The following MAN2A1 variants were observed in gnomAD, a reference collection of about 807,000 sequenced individuals.
The protein encoded by MAN2A1 is mannosidase alpha class 2A member 1.
Under a neutral mutation model 142.6 loss-of-function variants are expected in MAN2A1, and 76 were observed. The observed-to-expected ratio is 0.53, with a 90% CI of 0.44 to 0.65. The LOEUF (loss-of-function observed/expected upper bound fraction) is 0.65. Ranked by LOEUF, MAN2A1 falls within the 30% of genes least tolerant of loss-of-function variation. The probability of loss-of-function intolerance (pLI) is 0.00; values close to 1 mark genes in which losing one functional copy is unlikely to be tolerated. For missense variants in MAN2A1, 1,311 were observed against 1,365.1 expected (o/e 0.96, Z 0.62); for synonymous variants, 559 against 473.2 (o/e 1.18, Z -2.35).
rs555683467 is a variant in MAN2A1 at position 109,770,329 on chromosome 5, G to T, written c.1010-26G>T. 8.6e-5 allele frequency: 137 copies of T among 1,597,608 alleles called. 1 individual carries two copies. In the South Asian group the frequency reaches 1.4e-3, roughly 16 times the overall value. On this transcript the variant is annotated intron_variant, in intron 6 of 21. Transcript: ENST00000261483. The stretch of plus-strand genomic sequence containing the variant: ...GGGAAAACAGATTTTATAAATGCAG[G>T]TTTGTGTGTTGGCTCTTTATTTTAG...
intron 4 of MAN2A1, among the ~76,000 whole-genome samples, chr5:109,731,034 C>T (rs2112586273): frequency 6.6e-6 from 1 of 152,204 alleles, no homozygotes; most frequent in Admixed American, 6.6e-5. Flanking sequence ...ACTTCGTTAA[C>T]TGACATTTGA....
rs1755336445 is a variant in MAN2A1 at position 109,846,024 on chromosome 5, T to C, written c.2842+18T>C. 6.3e-7 allele frequency: 1 copy of C among 1,581,966 alleles called. No homozygotes were observed. The highest frequency in any genetic ancestry group is 8.6e-7 in the Non-Finnish European group (1 of 1,164,392). On this transcript the variant is annotated intron_variant, in intron 18 of 21. Coordinates refer to ENST00000261483, the MANE Select transcript of MAN2A1 (RefSeq NM_002372.4). ...GAATAGTGGTATGTATTGCTTACACTCTTTTCCACTCTGAAAGGTTTCAAT... is the reference window on the plus strand; with the variant it reads ...GAATAGTGGTATGTATTGCTTACACCCTTTTCCACTCTGAAAGGTTTCAAT...
At chr5:109,774,517 A>G (rs552720720) in intron 7 of MAN2A1, among the ~76,000 whole-genome samples, 15 of 152,204 alleles carry the variant, frequency 9.9e-5, no homozygotes, top group African/African-American at 3.6e-4. Flanking sequence ...ACATGACCAT[A>G]TTTCTCCAAA....
intron 7 of MAN2A1, among the ~76,000 whole-genome samples, chr5:109,770,899 G>A (rs887622671): frequency 5.9e-5 from 9 of 152,096 alleles, no homozygotes; most frequent in Admixed American, 2.0e-4. Flanking sequence ...GGTAAGAAAA[G>A]CAATTCAACT....
chr5:109,730,549 A>T (rs991572921), intron 4 of MAN2A1, among the ~76,000 whole-genome samples: 1 of 108,824 alleles, frequency 9.2e-6, no homozygotes, highest in Admixed American at 8.2e-5. Flanking sequence ...TTCACTTTTT[A>T]AAAAACTGAT....
At chr5:109,711,388 C>T (rs914672326) in intron 1 of MAN2A1, among the ~76,000 whole-genome samples, 5 of 152,090 alleles carry the variant, frequency 3.3e-5, no homozygotes, top group Non-Finnish European at 2.9e-5. Flanking sequence ...AAGCATTTCC[C>T]CTATTTCAGA....
chr5:109,736,089 C>T (rs1053494490), intron 4 of MAN2A1, among the ~76,000 whole-genome samples: 68 of 151,910 alleles, frequency 4.5e-4, no homozygotes, highest in African/African-American at 1.5e-3. Flanking sequence ...ACTAGAATTC[C>T]AAAATATTAC....
chr5:109,784,426 T>C (rs1753543192), intron 9 of MAN2A1, among the ~76,000 whole-genome samples: 1 of 152,158 alleles, frequency 6.6e-6, no homozygotes, highest in African/African-American at 2.4e-5. Context: ...ATCCAATTTT[T>C]CAGATTTTTT....
chr5:109,842,863 T>C (rs11958733), intron 17 of MAN2A1, among the ~76,000 whole-genome samples: 1 of 142,736 alleles, frequency 7.0e-6, no homozygotes, highest in Admixed American at 7.4e-5. Context: ...TGGAGTGCAG[T>C]GGCATGATCT....
intron 12 of MAN2A1, among the ~76,000 whole-genome samples, chr5:109,815,867 T>C (rs1754443229): frequency 6.6e-6 from 1 of 152,184 alleles, no homozygotes; most frequent in African/African-American, 2.4e-5. Context: ...GTTCCTGCGG[T>C]TACAAAATTG....
At chr5:109,802,081 A>G (rs1754046385) in intron 12 of MAN2A1, among the ~76,000 whole-genome samples, 1 of 152,084 alleles carries the variant, frequency 6.6e-6, no homozygotes. Flanking sequence ...CTGTACTGGT[A>G]TGTGTTCATA....
intron 6 of MAN2A1, among the ~76,000 whole-genome samples, chr5:109,769,203 A>G (rs560412388): frequency 1.3e-5 from 2 of 152,298 alleles, no homozygotes; most frequent in African/African-American, 2.4e-5. Flanking sequence ...CGTTGTGAAT[A>G]TGATTCAGTG....
chr5:109,733,268 A>G (rs2112590446), intron 4 of MAN2A1, among the ~76,000 whole-genome samples: 1 of 152,286 alleles, frequency 6.6e-6, no homozygotes, highest in South Asian at 2.1e-4. Flanking sequence ...TTGGATTGAG[A>G]CGATGGGGTT....
chr5:109,855,063 C>A, intron 19 of MAN2A1, 77 bp from the exon 20 acceptor site: 1 of 646,354 alleles, frequency 1.5e-6, no homozygotes, highest in Non-Finnish European at 2.4e-6. Context: ...TTATATTAAA[C>A]CCTCTCAGAT....
chr5:109,716,688 C>A (rs1027479123), intron 3 of MAN2A1, among the ~76,000 whole-genome samples: 1 of 152,134 alleles, frequency 6.6e-6, no homozygotes, highest in Non-Finnish European at 1.5e-5. Context: ...GCTTTAAGAA[C>A]CTTGGTGTTG....
intron 5 of MAN2A1, among the ~76,000 whole-genome samples, chr5:109,766,406 G>A (rs1288549505): frequency 1.3e-5 from 2 of 152,136 alleles, no homozygotes; most frequent in Non-Finnish European, 1.5e-5. Context: ...TATGTGGTCA[G>A]TTCTTTTAGT....
At chr5:109,722,279 G>A (rs1245346925) in intron 3 of MAN2A1, among the ~76,000 whole-genome samples, 1 of 151,990 alleles carries the variant, frequency 6.6e-6, no homozygotes, top group Non-Finnish European at 1.5e-5. Context: ...TTTTCCTTCT[G>A]ATTTATCTTA....
At chr5:109,703,784 A>C (rs1751053785) in intron 1 of MAN2A1, among the ~76,000 whole-genome samples, 1 of 152,196 alleles carries the variant, frequency 6.6e-6, no homozygotes, top group Non-Finnish European at 1.5e-5. Context: ...ATTTTGCCCT[A>C]GTTATACACC....
intron 3 of MAN2A1, among the ~76,000 whole-genome samples, chr5:109,723,589 T>A (rs184847321): frequency 6.6e-6 from 1 of 152,326 alleles, no homozygotes; most frequent in East Asian, 1.9e-4. Flanking sequence ...GCCTTTTTAG[T>A]CTTCACACTC....
Sources: gnomAD v4.1 joint callset for allele counts (sites outside exome capture counted in the v4.1 genomes callset) on GRCh38, gnomAD v4.1.1 for gene constraint, MANE v1.5 for transcripts, NCBI Gene and HGNC (gene_info 2026-07-23, HGNC 2026-07-21) for gene names.